NR1I2: variants seen among roughly 807,000 people sequenced by gnomAD.
NR1I2 encodes orphan nuclear receptor PAR1.
Under a neutral mutation model 43.3 loss-of-function variants are expected in NR1I2, and 42 were observed. The observed-to-expected ratio is 0.97, with a 90% CI of 0.76 to 1.26. The LOEUF (loss-of-function observed/expected upper bound fraction) is 1.26, where lower values mean the gene tolerates loss of function less well. NR1I2 is among the 50% of genes most tolerant of loss of function. The pLI is 0.00. For missense variants in NR1I2, 559 were observed against 566.7 expected, an observed-to-expected ratio of 0.99 and a Z score of 0.14; for synonymous variants, 229 against 215.0, an observed-to-expected ratio of 1.06 and a Z score of -0.57.
chr3:119,795,175 C>T (rs992093617), intron 1 of NR1I2, among the ~76,000 whole-genome samples: 1 of 152,150 alleles, frequency 6.6e-6, no homozygotes, highest in Non-Finnish European at 1.5e-5. Flanking sequence ...GAAGTGGAGA[C>T]TAGCTGTGTC....
intron 1 of NR1I2, among the ~76,000 whole-genome samples, chr3:119,800,233 T>C (rs59162145): frequency 6.6e-6 from 1 of 152,086 alleles, no homozygotes; most frequent in Non-Finnish European, 1.5e-5. Context: ...TCCAAGCACC[T>C]TTTTTTAGCA....
rs1173444203 is a variant in NR1I2, at chr3:119,817,355, C to T, written c.*143C>T. 1.3e-6 allele frequency: 2 copies of T among 1,538,122 alleles called. No homozygotes were observed. Among genetic ancestry groups the T allele is most frequent in the Non-Finnish European group, 1.7e-6 (2 of 1,146,782 alleles). On this transcript the variant is annotated 3_prime_UTR_variant, in exon 9 of 9. Coordinates refer to ENST00000393716, the MANE Select transcript of NR1I2 (RefSeq NM_003889.4). ...TCTCCCTAGGGAATTCCTGCTATGA[C>T]AGCTGGCTAGCATTCCTCAGGAAGG...
chr3:119,813,417 T>C (rs2055273044), intron 5 of NR1I2, among the ~76,000 whole-genome samples: 1 of 152,032 alleles, frequency 6.6e-6, no homozygotes, highest in South Asian at 2.1e-4. Flanking sequence ...AAGGGTCAGG[T>C]CTCCCCAGAG....
At position 119,817,901 on chromosome 3, in the gene NR1I2, A is replaced by C; in HGVS notation, c.*689A>C. 2.0e-6 allele frequency: 2 copies of C among 985,118 alleles called. No individual in the cohort carries two copies. Among genetic ancestry groups the C allele is most frequent in the Non-Finnish European group, 2.4e-6 (2 of 829,258 alleles). 61.0% of individuals were successfully genotyped at this position (985,118 alleles called of 1,614,324 possible). A position where few individuals can be genotyped will look rare whatever the true frequency, so the allele number is the denominator to read the frequency against. On this transcript the variant is annotated 3_prime_UTR_variant, in exon 9 of 9. Coordinates refer to ENST00000393716, the MANE Select transcript of NR1I2 (RefSeq NM_003889.4). ...ATAGGTAGCCTGCTGTGGGGTATAC[A>C]GCATTGACTCAGATATAGATCCTGA...
chr3:119,812,872 A>T lies in NR1I2; in HGVS notation c.706A>T (p.Ile236Phe), dbSNP rs756423102. Residue 236 changes from isoleucine to phenylalanine, a missense_variant, in exon 5 of 9, where the codon ATC (isoleucine) becomes TTC (phenylalanine). Transcript: ENST00000393716. Reference sequence around the variant, plus strand: ...CCCAGCCGACAGTGGCGGGAAAGAGATCTTCTCCCTGCTGCCCCACATGGC... The same window carrying T: ...CCCAGCCGACAGTGGCGGGAAAGAGTTCTTCTCCCTGCTGCCCCACATGGC... 11 of 1,613,996 alleles carry T rather than the reference A, an allele frequency of 6.8e-6. No individual in the cohort carries two copies. The highest frequency in any genetic ancestry group is 6.6e-5 in the South Asian group (6 of 91,076).
intron 3 of NR1I2, 109 bp downstream of exon 3, chr3:119,810,303 T>A: frequency 1.4e-6 from 2 of 1,456,246 alleles, no homozygotes; most frequent in Non-Finnish European, 1.8e-6. Flanking sequence ...AGTGTGCGCG[T>A]GAACACACGT....
chr3:119,782,617 G>T (rs2054789113), intron 1 of NR1I2: 2 of 655,210 alleles, frequency 3.1e-6, no homozygotes, highest in East Asian at 2.7e-5. Context: ...CTGTTACAGG[G>T]CTGGAGTCCC....
At chr3:119,787,706 T>G (rs936716878) in intron 1 of NR1I2, among the ~76,000 whole-genome samples, 1 of 127,272 alleles carries the variant, frequency 7.9e-6, no homozygotes, top group Non-Finnish European at 1.7e-5. Flanking sequence ...TGTGTGTGTG[T>G]GGTGTGTATG....
chr3:119,782,653 G>A (rs2054789901), intron 1 of NR1I2: 6 of 817,868 alleles, frequency 7.3e-6, no homozygotes, highest in South Asian at 4.3e-5. Context: ...CCACCTCCAA[G>A]GACTGTGGGA....
At chr3:119,807,770 G>T (rs999602623) in intron 2 of NR1I2, among the ~76,000 whole-genome samples, 2 of 152,230 alleles carry the variant, frequency 1.3e-5, no homozygotes, top group Admixed American at 1.3e-4. Context: ...GCCTTCTGGG[G>T]TGGTTGTTAC....
At chr3:119,809,838 A>G (rs866716416) in intron 2 of NR1I2, among the ~76,000 whole-genome samples, 1 of 152,090 alleles carries the variant, frequency 6.6e-6, no homozygotes, top group Non-Finnish European at 1.5e-5. Flanking sequence ...GAATGGCCAG[A>G]AAAGGTCTCC....
chr3:119,816,405 C>T (rs1282609788), intron 8 of NR1I2, among the ~76,000 whole-genome samples: 1 of 152,142 alleles, frequency 6.6e-6, no homozygotes, highest in Non-Finnish European at 1.5e-5. Context: ...AGCCCCTAAC[C>T]TCCACAACGA....
intron 1 of NR1I2, among the ~76,000 whole-genome samples, chr3:119,806,842 C>T (rs529392405): frequency 3.6e-4 from 55 of 152,336 alleles, no homozygotes; most frequent in Middle Eastern, 6.8e-3. Context: ...AACAAGTAAT[C>T]TGTCCATGAG....
rs187995261 is a variant in NR1I2 at position 119,790,096 on chromosome 3, C to T, written c.-23+7796C>T. 1.4e-3 allele frequency among the ~76,000 whole-genome samples: 209 copies of T among 152,284 alleles called. 1 individual carries two copies. The highest frequency in any genetic ancestry group is 2.5e-3 in the Non-Finnish European group (168 of 68,020). ...CATTAAACAACTCCCATTCCCCTCACCCCACAGCCCCTGGCAACCACCATT... is the reference window on the plus strand; with the variant it reads ...CATTAAACAACTCCCATTCCCCTCATCCCACAGCCCCTGGCAACCACCATT... On this transcript the variant is annotated intron_variant, in intron 1 of 8. Transcript: ENST00000393716.
At chr3:119,807,129 C>T in intron 1 of NR1I2, 100 bp from the exon 2 acceptor site, 3 of 1,092,522 alleles carry the variant, frequency 2.7e-6, no homozygotes, top group Non-Finnish European at 4.1e-6. Flanking sequence ...GTTCACAGGC[C>T]CAAATGTGAG....
intron 1 of NR1I2, among the ~76,000 whole-genome samples, chr3:119,802,435 G>A (rs58591302): frequency 0.034 from 5,237 of 152,234 alleles, 298 homozygotes; most frequent in African/African-American, 0.12. Context: ...TGTGATTCAT[G>A]TAGTCATGTT....
At position 119,813,092 on chromosome 3, in the gene NR1I2, C is replaced by A. The variant is rs1476897454; in HGVS notation, c.794+132C>A. The A allele has an allele frequency of 7.8e-6, 8 of 1,025,856 alleles. No homozygotes were observed. The East Asian group carries it at 1.8e-4, about 23-fold the overall frequency. 63.5% of individuals were successfully genotyped at this position (1,025,856 alleles called of 1,614,324 possible). A position where few individuals can be genotyped will look rare whatever the true frequency, so the allele number is the denominator to read the frequency against. ...AGACCCTCCTTTTCCTGTGCCCTTT[C>A]CCCGGGCAGCCAGTGCTGCTGGGGA... On this transcript the variant is annotated intron_variant, in intron 5 of 8. Transcript: ENST00000393716.
chr3:119,802,288 A>G (rs918412569), intron 1 of NR1I2, among the ~76,000 whole-genome samples: 1 of 152,238 alleles, frequency 6.6e-6, no homozygotes, highest in Non-Finnish European at 1.5e-5. Flanking sequence ...ATGAGATTCT[A>G]GCATTAATTC....
chr3:119,818,224 T>C lies in NR1I2; in HGVS notation c.*1012T>C. On this transcript the variant is annotated 3_prime_UTR_variant, in exon 9 of 9. Coordinates refer to ENST00000393716, the MANE Select transcript of NR1I2 (RefSeq NM_003889.4). Reference sequence around the variant, plus strand: ...TGCTGGGTATGCTCTGTGACAAGGCTACGCTGACAATCAGTTAAACACACC... The same window carrying C: ...TGCTGGGTATGCTCTGTGACAAGGCCACGCTGACAATCAGTTAAACACACC... 1.0e-6 allele frequency: 1 copy of C among 985,734 alleles called. No individual in the cohort carries two copies. Among genetic ancestry groups the C allele is most frequent in the East Asian group, 1.1e-4 (1 of 8,810 alleles). 61.1% of individuals were successfully genotyped at this position (985,734 alleles called of 1,614,324 possible). A position where few individuals can be genotyped will look rare whatever the true frequency, so the allele number is the denominator to read the frequency against.
Sources: allele counts gnomAD v4.1 joint callset (sites outside exome capture counted in the v4.1 genomes callset), GRCh38; gene constraint gnomAD v4.1.1; transcripts MANE v1.5; gene names NCBI Gene and HGNC (gene_info 2026-07-23, HGNC 2026-07-21).